Variants in TEC observed in about 807,000 individuals in gnomAD.
TEC encodes the protein tyrosine-protein kinase Tec.
TEC carries 72 observed loss-of-function variants against 93.0 expected under a neutral mutation model. That is an observed-to-expected ratio of 0.77 (90% CI 0.64 to 0.94). The LOEUF (loss-of-function observed/expected upper bound fraction) is 0.94, where lower values mean the gene tolerates loss of function less well. TEC is among the 40% of genes least tolerant of loss of function. The pLI is 0.00. For missense variants in TEC, 630 were observed against 757.9 expected (o/e 0.83, Z 1.98); for synonymous variants, 249 against 247.7 (o/e 1.01, Z -0.05).
chr4:48,174,981 G>A (rs891954115), intron 3 of TEC, among the ~76,000 whole-genome samples: 2 of 152,188 alleles, frequency 1.3e-5, no homozygotes, highest in Non-Finnish European at 2.9e-5. Flanking sequence ...AACAGGCACA[G>A]AGAGGTTAAG....
intron 1 of TEC, among the ~76,000 whole-genome samples, chr4:48,233,392 G>T (rs906901): frequency 0.18 from 26,696 of 148,444 alleles, 4,001 homozygotes; most frequent in African/African-American, 0.41. Context: ...TGCCCAGGCC[G>T]GACTCAAATT....
At chr4:48,180,603 GGA>G (rs1220386997) in intron 2 of TEC, among the ~76,000 whole-genome samples, 2 of 152,184 alleles carry the variant, frequency 1.3e-5, no homozygotes, top group Non-Finnish European at 2.9e-5. Flanking sequence ...CAGAGATAAT[GGA>G]GAGAGTTTCA....
chr4:48,161,914 T>C (rs1043874214), intron 8 of TEC, among the ~76,000 whole-genome samples: 4 of 152,152 alleles, frequency 2.6e-5, no homozygotes, highest in Non-Finnish European at 5.9e-5. Context: ...CCCTCGAACA[T>C]TGGACTCCAA....
Position 48,139,023 on chromosome 4 carries a change from C to T in TEC, c.1536-1G>A. 1 of 1,610,662 alleles carries T rather than the reference C, an allele frequency of 6.2e-7. No homozygotes were observed. The highest frequency in any genetic ancestry group is 1.7e-5 in the Admixed American group (1 of 60,030). On this transcript the variant is annotated splice_acceptor_variant, in intron 15 of 17. Coordinates refer to ENST00000381501, the MANE Select transcript of TEC (RefSeq NM_003215.3). LOFTEE classifies it high-confidence loss of function. ...TGTGTACTGATCATCCAGAACATAC[C>T]TAGAGTAAGACACACCATGGGTTTA...
At chr4:48,207,731 T>G (rs1722762652) in intron 2 of TEC, among the ~76,000 whole-genome samples, 1 of 151,744 alleles carries the variant, frequency 6.6e-6, no homozygotes, top group Non-Finnish European at 1.5e-5. Context: ...GAGGCTACAG[T>G]AAGCCATGAT....
intron 2 of TEC, among the ~76,000 whole-genome samples, chr4:48,198,755 A>T (rs1337744957): frequency 6.6e-6 from 1 of 152,076 alleles, no homozygotes; most frequent in Non-Finnish European, 1.5e-5. Context: ...GAAAAAATAT[A>T]TTTTTTTCTC....
intron 14 of TEC, 146 bp downstream of exon 14, chr4:48,144,933 G>A: frequency 1.5e-6 from 1 of 675,716 alleles, no homozygotes; most frequent in Admixed American, 2.6e-5. Flanking sequence ...AAAATTACAG[G>A]GCAAGTTAAA....
intron 3 of TEC, among the ~76,000 whole-genome samples, chr4:48,172,024 C>A (rs1046389048): frequency 3.3e-5 from 5 of 152,226 alleles, no homozygotes; most frequent in African/African-American, 1.2e-4. Context: ...CCATGCACTG[C>A]AGATGCTGTC....
intron 8 of TEC, among the ~76,000 whole-genome samples, chr4:48,160,390 C>G (rs765364910): frequency 6.6e-6 from 1 of 152,024 alleles, no homozygotes; most frequent in Admixed American, 6.6e-5. Context: ...ATGTTGCCAG[C>G]GCAGCAGTCC....
intron 1 of TEC, among the ~76,000 whole-genome samples, chr4:48,246,626 CA>C (rs1449760014): frequency 3.3e-5 from 5 of 152,104 alleles, no homozygotes; most frequent in Non-Finnish European, 7.4e-5. Context: ...CAACTGTGGT[CA>C]ATTATTTTTG....
intron 1 of TEC, 54 bp from the exon 2 acceptor site, chr4:48,228,713 T>C (rs1224661296): frequency 6.9e-7 from 1 of 1,458,092 alleles, no homozygotes; most frequent in African/African-American, 1.4e-5. Context: ...TCTATGGATG[T>C]TGCCATTTCC....
chr4:48,234,641 A>AT, intron 1 of TEC, among the ~76,000 whole-genome samples: 1 of 152,380 alleles, frequency 6.6e-6, no homozygotes, highest in Non-Finnish European at 1.5e-5. Flanking sequence ...AATCACAGGT[A>AT]TGCTACAGAG....
At chr4:48,172,136 A>G (rs1472351330) in intron 3 of TEC, among the ~76,000 whole-genome samples, 5 of 152,172 alleles carry the variant, frequency 3.3e-5, no homozygotes, top group African/African-American at 1.2e-4. Flanking sequence ...ACAGTGCCTC[A>G]CTTAGAGGTA....
intron 1 of TEC, among the ~76,000 whole-genome samples, chr4:48,253,357 C>T (rs933833421): frequency 6.6e-6 from 1 of 152,032 alleles, no homozygotes; most frequent in African/African-American, 2.4e-5. Flanking sequence ...CTTCTATTAT[C>T]TCTTCTCTCT....
intron 2 of TEC, among the ~76,000 whole-genome samples, chr4:48,186,189 C>T (rs918147502): frequency 3.0e-4 from 45 of 152,202 alleles, no homozygotes; most frequent in African/African-American, 9.9e-4. Flanking sequence ...AGTGCAGTGG[C>T]GTGATCTCGG....
intron 2 of TEC, among the ~76,000 whole-genome samples, chr4:48,178,814 C>T (rs1014927489): frequency 6.6e-6 from 1 of 152,208 alleles, no homozygotes. Context: ...TCACCTGCTG[C>T]TACTCTAACC....
chr4:48,216,773 G>T (rs1223081836), intron 2 of TEC, among the ~76,000 whole-genome samples: 4 of 152,138 alleles, frequency 2.6e-5, no homozygotes, highest in Non-Finnish European at 5.9e-5. Flanking sequence ...TGACGGACAA[G>T]TTTTATGACT....
At chr4:48,161,596 G>A (rs1560382422) in intron 8 of TEC, among the ~76,000 whole-genome samples, 1 of 91,806 alleles carries the variant, frequency 1.1e-5, no homozygotes, top group Non-Finnish European at 2.1e-5. Context: ...AGCTGCCAGA[G>A]GCTTTTTTTT....
intron 9 of TEC, among the ~76,000 whole-genome samples, chr4:48,153,008 G>A (rs1345002055): frequency 6.6e-6 from 1 of 152,100 alleles, no homozygotes; most frequent in East Asian, 1.9e-4. Flanking sequence ...GCAAAAAGTA[G>A]ACTAGAAAAG....
Sources: allele counts gnomAD v4.1 joint callset (sites outside exome capture counted in the v4.1 genomes callset), GRCh38; gene constraint gnomAD v4.1.1; transcripts MANE v1.5; gene names NCBI Gene and HGNC (gene_info 2026-07-23, HGNC 2026-07-21).